CARD19: variants seen among roughly 807,000 people sequenced by gnomAD.
The protein encoded by CARD19 is caspase recruitment domain family member 19, also known as caspase recruitment domain-containing protein 19.
A neutral mutation model predicts 24.1 loss-of-function variants in CARD19; 25 were observed. That is an observed-to-expected ratio of 1.04 (90% CI 0.76 to 1.45). The LOEUF (loss-of-function observed/expected upper bound fraction) is 1.45. CARD19 is among the 40% of genes most tolerant of loss of function. The pLI, the probability that CARD19 is intolerant of heterozygous loss-of-function variation, is 0.00. For missense variants in CARD19, 241 were observed against 247.4 expected (o/e 0.97, Z 0.17); for synonymous variants, 103 against 104.9 (o/e 0.98, Z 0.11).
intron 1 of CARD19, among the ~76,000 whole-genome samples, chr9:93,106,868 T>TG (rs1227303883): frequency 2.0e-5 from 3 of 152,156 alleles, no homozygotes; most frequent in Non-Finnish European, 4.4e-5. Flanking sequence ...TCAGTCCCTG[T>TG]GGGGGTCCTG....
chr9:93,098,113 G>C (rs796778492), intron 1 of CARD19, among the ~76,000 whole-genome samples: 3 of 152,370 alleles, frequency 2.0e-5, no homozygotes, highest in South Asian at 4.1e-4. Context: ...TGCTTGACAA[G>C]TTACCCCCTG....
chr9:93,110,770 G>A, intron 3 of CARD19, 49 bp downstream of exon 3: 1 of 1,574,648 alleles, frequency 6.4e-7, no homozygotes, highest in Non-Finnish European at 8.6e-7. Flanking sequence ...GCCCGGGGAG[G>A]GCACCCCAGC....
chr9:93,097,448 T>C (rs1826919620), intron 1 of CARD19, among the ~76,000 whole-genome samples: 1 of 152,208 alleles, frequency 6.6e-6, no homozygotes, highest in Non-Finnish European at 1.5e-5. Context: ...TCTGAGCACT[T>C]ACTGTGCATT....
At chr9:93,103,997 C>A (rs1242834444) in intron 1 of CARD19, among the ~76,000 whole-genome samples, 1 of 152,138 alleles carries the variant, frequency 6.6e-6, no homozygotes, top group Non-Finnish European at 1.5e-5. Flanking sequence ...TCTTCTAGAC[C>A]TAATTAATTG....
intron 1 of CARD19, among the ~76,000 whole-genome samples, chr9:93,101,019 A>G (rs2119066797): frequency 6.6e-6 from 1 of 152,218 alleles, no homozygotes; most frequent in South Asian, 2.1e-4. Context: ...GCTATTTTGA[A>G]TAGTGCTGCT....
intron 1 of CARD19, among the ~76,000 whole-genome samples, chr9:93,102,042 A>G (rs1827103521): frequency 1.3e-5 from 2 of 151,132 alleles, no homozygotes; most frequent in South Asian, 2.1e-4. Context: ...GCTAACTGCA[A>G]CTTCCACCTC....
intron 1 of CARD19, among the ~76,000 whole-genome samples, chr9:93,105,199 T>TGTGTGTGTGTGTGC (rs1018663442): frequency 1.3e-3 from 1 of 792 alleles, no homozygotes; most frequent in African/African-American, 4.1e-3. Flanking sequence ...TGTGTGTGCG[T>TGTGTGTGTGTGTGC]GTGTGTGTGT....
chr9:93,102,954 AT>A (rs1421587854), intron 1 of CARD19, among the ~76,000 whole-genome samples: 1 of 152,138 alleles, frequency 6.6e-6, no homozygotes, highest in Non-Finnish European at 1.5e-5. Context: ...GAGATGAAAT[AT>A]TTTTGTGTGT....
intron 1 of CARD19, among the ~76,000 whole-genome samples, chr9:93,101,889 T>A (rs1186416296): frequency 6.6e-6 from 1 of 152,034 alleles, no homozygotes; most frequent in East Asian, 1.9e-4. Context: ...TATATAGCTA[T>A]CCTAATGAGT....
Position 93,107,814 on chromosome 9 carries a change from A to G in CARD19, c.148A>G (p.Lys50Glu), listed in dbSNP as rs1164250198. The part of the protein sequence containing the change: ...PQILTNKEAE[K>E]FRNPKASLRV... ...GATCCTTACCAACAAGGAGGCGGAA[A>G]AGGTGCTGAGGAGGTGAGGGGGGTA... is the stretch of plus-strand genomic sequence containing the variant. The change falls in exon 2 of 6, where the codon AAG becomes GAG. Residue 50 changes from lysine to glutamate, a missense_variant and splice_region_variant. By Grantham distance (56) the Lys-to-Glu change is moderately conservative. Transcript: ENST00000375464. 1 of 1,614,200 alleles carries G rather than the reference A, an allele frequency of 6.2e-7. No homozygotes were observed. Among genetic ancestry groups the G allele is most frequent in the Non-Finnish European group, 8.5e-7 (1 of 1,180,026 alleles).
At chr9:93,111,535 G>A (rs777666115) in intron 3 of CARD19, 10 of 1,187,398 alleles carry the variant, frequency 8.4e-6, no homozygotes, top group Non-Finnish European at 1.1e-5. Flanking sequence ...GGCGGGGAGA[G>A]CTCGAGGGGA....
intron 1 of CARD19, among the ~76,000 whole-genome samples, chr9:93,099,140 G>T (rs1030646143): frequency 3.3e-5 from 5 of 152,092 alleles, no homozygotes; most frequent in African/African-American, 4.8e-5. Context: ...TGCCCAGGCT[G>T]GTCTTGAACT....
chr9:93,098,649 G>C (rs1826967480), intron 1 of CARD19, among the ~76,000 whole-genome samples: 1 of 152,204 alleles, frequency 6.6e-6, no homozygotes, highest in African/African-American at 2.4e-5. Context: ...GCTTCCAAGT[G>C]CTGCCTGTTT....
chr9:93,111,795 G>A (rs539974484), intron 3 of CARD19, 84 bp from the exon 4 acceptor site: 141 of 1,563,376 alleles, frequency 9.0e-5, no homozygotes, highest in South Asian at 9.0e-4. Context: ...GGAGGCAGCA[G>A]CAACCTTGGG....
intron 5 of CARD19, among the ~76,000 whole-genome samples, 158 bp downstream of exon 5, chr9:93,112,447 A>G (rs1827536198): frequency 6.6e-6 from 1 of 152,176 alleles, no homozygotes; most frequent in African/African-American, 2.4e-5. Context: ...GCTCCTGAGA[A>G]AGGGGATGTG....
At chr9:93,110,960 G>T (rs780191735) in intron 3 of CARD19, 1 of 1,523,494 alleles carries the variant, frequency 6.6e-7, no homozygotes, top group Non-Finnish European at 8.8e-7. Context: ...CCCTTCCTCC[G>T]TCTCTCTCTC....
At chr9:93,112,472 G>A (rs111576410) in intron 5 of CARD19, among the ~76,000 whole-genome samples, 183 bp downstream of exon 5, 10 of 152,332 alleles carry the variant, frequency 6.6e-5, no homozygotes, top group African/African-American at 1.9e-4. Flanking sequence ...GGCTCCCAGC[G>A]TCCACTGGCC....
intron 3 of CARD19, 65 bp downstream of exon 3, chr9:93,110,786 G>A (rs762871455): frequency 3.7e-5 from 58 of 1,554,490 alleles, no homozygotes; most frequent in Non-Finnish European, 2.9e-5. Context: ...CCAGCCTGCC[G>A]TTGATGGCAT....
At chr9:93,108,028 A>G (rs1827329431) in intron 2 of CARD19, among the ~76,000 whole-genome samples, 1 of 152,230 alleles carries the variant, frequency 6.6e-6, no homozygotes, top group Non-Finnish European at 1.5e-5. Flanking sequence ...GGCTCGGAAC[A>G]TCAGCTCTCT....
Sources: gnomAD v4.1 joint callset for allele counts (sites outside exome capture counted in the v4.1 genomes callset) on GRCh38, gnomAD v4.1.1 for gene constraint, MANE v1.5 for transcripts, NCBI Gene and HGNC (gene_info 2026-07-23, HGNC 2026-07-21) for gene names.